The following SLC25A21 variants were observed in gnomAD, a reference collection of about 807,000 sequenced individuals.
The protein encoded by SLC25A21 is solute carrier family 25 member 21.
A neutral mutation model predicts 43.8 loss-of-function variants in SLC25A21; 47 were observed. That is an observed-to-expected ratio of 1.07 (90% CI 0.85 to 1.37). SLC25A21 has a LOEUF of 1.37. Among genes scored for constraint, SLC25A21 ranks in the 40% most tolerant of loss-of-function variants. The probability of loss-of-function intolerance (pLI) is 0.00; values close to 1 mark genes in which losing one functional copy is unlikely to be tolerated. For missense variants in SLC25A21, 352 were observed against 350.2 expected (o/e 1.00, Z -0.04); for synonymous variants, 131 against 121.3 (o/e 1.08, Z -0.52).
chr14:36,876,758 G>C (rs1890537805), intron 1 of SLC25A21, among the ~76,000 whole-genome samples: 1 of 151,688 alleles, frequency 6.6e-6, no homozygotes, highest in African/African-American at 2.4e-5. Flanking sequence ...AAATGGCCTA[G>C]AATAACTTTG....
chr14:36,763,071 G>C (rs905495995), intron 3 of SLC25A21, among the ~76,000 whole-genome samples: 3 of 152,262 alleles, frequency 2.0e-5, no homozygotes, highest in African/African-American at 7.2e-5. Flanking sequence ...AGCACGAAAA[G>C]CAAAGAGATT....
intron 1 of SLC25A21, among the ~76,000 whole-genome samples, chr14:36,971,741 C>A (rs1480307997): frequency 1.3e-5 from 2 of 152,240 alleles, no homozygotes; most frequent in East Asian, 3.9e-4. Flanking sequence ...CACACACGAA[C>A]CTCGGGTATT....
chr14:37,074,845 T>A (rs936603904), intron 1 of SLC25A21, among the ~76,000 whole-genome samples: 9 of 151,964 alleles, frequency 5.9e-5, no homozygotes, highest in Admixed American at 4.6e-4. Context: ...TAAAAATAAA[T>A]GGCCAATGAT....
chr14:36,751,128 CAAAAG>C (rs1320791147), intron 3 of SLC25A21, among the ~76,000 whole-genome samples: 1 of 152,176 alleles, frequency 6.6e-6, no homozygotes, highest in African/African-American at 2.4e-5. Flanking sequence ...TACATCTTCT[CAAAAG>C]AGATTAATAT....
At chr14:36,774,279 A>G (rs1380941951) in intron 3 of SLC25A21, among the ~76,000 whole-genome samples, 1 of 152,258 alleles carries the variant, frequency 6.6e-6, no homozygotes, top group Non-Finnish European at 1.5e-5. Context: ...TCAATTACTC[A>G]GCAGGTATGG....
intron 1 of SLC25A21, among the ~76,000 whole-genome samples, chr14:36,915,009 T>C (rs929426189): frequency 2.0e-5 from 3 of 148,108 alleles, no homozygotes; most frequent in Admixed American, 6.8e-5. Context: ...TTAGTTTCCT[T>C]AAAAAAAAAA....
At chr14:37,113,408 G>A (rs1364588124) in intron 1 of SLC25A21, among the ~76,000 whole-genome samples, 1 of 152,116 alleles carries the variant, frequency 6.6e-6, no homozygotes, top group African/African-American at 2.4e-5. Context: ...ACAAGATTGT[G>A]TACACAAACT....
chr14:36,945,052 C>T (rs1226373683), intron 1 of SLC25A21, among the ~76,000 whole-genome samples: 4 of 152,012 alleles, frequency 2.6e-5, no homozygotes, highest in African/African-American at 9.7e-5. Context: ...AAGCCAAAAC[C>T]GAAACAAACC....
At chr14:36,693,880 C>T (rs1444852989) in intron 7 of SLC25A21, among the ~76,000 whole-genome samples, 3 of 152,086 alleles carry the variant, frequency 2.0e-5, no homozygotes, top group African/African-American at 7.2e-5. Context: ...AATAAAAAAC[C>T]CATCAGCCCC....
chr14:37,158,628 T>G (rs952781396), intron 1 of SLC25A21, among the ~76,000 whole-genome samples: 1 of 152,300 alleles, frequency 6.6e-6, no homozygotes, highest in East Asian at 1.9e-4. Context: ...AGTATCATAC[T>G]GAATAGCAGA....
intron 1 of SLC25A21, among the ~76,000 whole-genome samples, chr14:36,905,786 C>T (rs192311459): frequency 3.6e-4 from 55 of 152,332 alleles, no homozygotes; most frequent in Middle Eastern, 3.4e-3. Context: ...TTATGAGCCG[C>T]CTTGTCACAC....
At chr14:36,813,403 A>T (rs1159967115) in intron 3 of SLC25A21, among the ~76,000 whole-genome samples, 2 of 151,612 alleles carry the variant, frequency 1.3e-5, no homozygotes. Context: ...GCTGTCACCC[A>T]GGCCGGAGTG....
chr14:37,171,038 A>G (rs1964116675), intron 1 of SLC25A21, among the ~76,000 whole-genome samples: 1 of 147,302 alleles, frequency 6.8e-6, no homozygotes, highest in Non-Finnish European at 1.5e-5. Flanking sequence ...GCGAGCCGAG[A>G]TCGCGCCATG....
chr14:37,087,239 T>C (rs1241505272), intron 1 of SLC25A21, among the ~76,000 whole-genome samples: 1 of 152,216 alleles, frequency 6.6e-6, no homozygotes, highest in African/African-American at 2.4e-5. Flanking sequence ...CTAAGCATCA[T>C]GGACCAAATA....
At chr14:36,975,159 C>T (rs1430499987) in intron 1 of SLC25A21, among the ~76,000 whole-genome samples, 1 of 152,170 alleles carries the variant, frequency 6.6e-6, no homozygotes, top group Non-Finnish European at 1.5e-5. Flanking sequence ...GAAGGAAAGA[C>T]ATATATAAAG....
rs534031319 is a variant in SLC25A21, at chr14:36,892,659, T to A, written c.71-17655A>T. On this transcript the variant is annotated intron_variant, in intron 1 of 9. Coordinates refer to ENST00000331299, the MANE Select transcript of SLC25A21 (RefSeq NM_030631.4). ...GTGTGCTGCACCCATTAACTCGTCA[T>A]TTAACATTAGGTATATCTCCTAATG... Among the ~76,000 whole-genome samples the A allele has an allele frequency of 1.3e-3, 197 of 152,242 alleles. 1 individual carries two copies. The highest frequency in any genetic ancestry group is 4.5e-3 in the African/African-American group (189 of 41,548).
At chr14:36,992,133 T>A (rs888430835) in intron 1 of SLC25A21, among the ~76,000 whole-genome samples, 1 of 152,216 alleles carries the variant, frequency 6.6e-6, no homozygotes, top group Non-Finnish European at 1.5e-5. Flanking sequence ...TTAAACGGCA[T>A]CAGTAATTGG....
intron 1 of SLC25A21, among the ~76,000 whole-genome samples, chr14:37,068,428 A>G (rs1644054874): frequency 6.6e-6 from 1 of 151,880 alleles, no homozygotes; most frequent in South Asian, 2.1e-4. Flanking sequence ...AGGTATGATG[A>G]TTTTTTTTGC....
intron 1 of SLC25A21, among the ~76,000 whole-genome samples, chr14:36,954,223 A>G (rs558938959): frequency 6.6e-6 from 1 of 152,192 alleles, no homozygotes; most frequent in South Asian, 2.1e-4. Flanking sequence ...TTTCTGCCTC[A>G]TGTTTCTTCT....
Sources: gnomAD v4.1 joint callset for allele counts (sites outside exome capture counted in the v4.1 genomes callset) on GRCh38, gnomAD v4.1.1 for gene constraint, MANE v1.5 for transcripts, NCBI Gene and HGNC (gene_info 2026-07-23, HGNC 2026-07-21) for gene names.